RBM24: variants seen among roughly 807,000 people sequenced by gnomAD.
RBM24 encodes RNA-binding protein 24.
A neutral mutation model predicts 23.6 loss-of-function variants in RBM24; 5 were observed. That is an observed-to-expected ratio of 0.21 (90% CI 0.11 to 0.45). RBM24 has a LOEUF of 0.45. RBM24 is among the 20% of genes least tolerant of loss of function. The pLI, the probability that RBM24 is intolerant of heterozygous loss-of-function variation, is 0.99. For synonymous variants in RBM24, 151 were observed against 129.5 expected, an observed-to-expected ratio of 1.17 and a Z score of -1.13; for missense variants, 252 against 314.6, an observed-to-expected ratio of 0.80 and a Z score of 1.51.
chr6:17,291,989 GCT>G lies in RBM24; in HGVS notation c.582_583del (p.Tyr195ArgfsTer50). ...GGATATGTTACTGCTGGGGGCTATG[GCT>G]ACGCAGTCCAGCAGCCAATCACCGC... is the stretch of plus-strand genomic sequence containing the variant. On this transcript the variant is annotated frameshift_variant, in exon 4 of 4. Coordinates refer to ENST00000379052, the MANE Select transcript of RBM24 (RefSeq NM_001143942.2). LOFTEE classifies it high-confidence loss of function. 2 of 1,608,780 alleles carry G rather than the reference GCT, an allele frequency of 1.2e-6. No individual in the cohort carries two copies. The highest frequency in any genetic ancestry group is 1.7e-6 in the Non-Finnish European group (2 of 1,179,162).
rs907007482 is a variant in RBM24, at chr6:17,290,196, T to C, written c.348-1560T>C. 7.1e-6 allele frequency: 6 copies of C among 840,866 alleles called. No homozygotes were observed. The African/African-American group carries it at 8.9e-5, about 12-fold the overall frequency. 52.1% of individuals were successfully genotyped at this position (840,866 alleles called of 1,614,324 possible). A position where few individuals can be genotyped will look rare whatever the true frequency, so the allele number is the denominator to read the frequency against. ...CTCTGAAAAGGCAAAGCAAAATCTA[T>C]GTTTCTGAAAAATCTACAAGTGCTG... is the stretch of plus-strand genomic sequence containing the variant. On this transcript the variant is annotated intron_variant, in intron 3 of 3. Coordinates refer to ENST00000379052, the MANE Select transcript of RBM24 (RefSeq NM_001143942.2).
In RBM24 at chr6:17,286,092, A is replaced by G. The variant is rs535168595; in HGVS notation, c.347+1381A>G. 3.3e-5 allele frequency among the ~76,000 whole-genome samples: 5 copies of G among 152,312 alleles called. No homozygotes were observed. In the South Asian group the frequency reaches 1.0e-3, roughly 32 times the overall value. Reference sequence around the variant, plus strand: ...AATAGATTTTAAAAAGAAATTAATAATAACTTGACTTGGAAGAGTAAAGTT... The same window carrying G: ...AATAGATTTTAAAAAGAAATTAATAGTAACTTGACTTGGAAGAGTAAAGTT... On this transcript the variant is annotated intron_variant, in intron 3 of 3. Transcript: ENST00000379052.
Position 17,290,029 on chromosome 6 carries a change from A to T in RBM24, c.348-1727A>T, listed in dbSNP as rs184453189. ...TGAGTGTCCTCAGAAACACTTGATG[A>T]CGTCGTTTCTCCTGGCACTGGGAAA... is the stretch of plus-strand genomic sequence containing the variant. On this transcript the variant is annotated intron_variant, in intron 3 of 3. Coordinates refer to ENST00000379052, the MANE Select transcript of RBM24 (RefSeq NM_001143942.2). 5,503 of 1,289,390 alleles carry T rather than the reference A, an allele frequency of 4.3e-3. 20 individuals are homozygous for T. Among genetic ancestry groups the T allele is most frequent in the South Asian group, 5.3e-3 (432 of 81,034 alleles). 79.9% of individuals were successfully genotyped at this position (1,289,390 alleles called of 1,614,324 possible). A position where few individuals can be genotyped will look rare whatever the true frequency, so the allele number is the denominator to read the frequency against.
chr6:17,289,371 T>G, intron 3 of RBM24: 1 of 985,448 alleles, frequency 1.0e-6, no homozygotes, highest in Non-Finnish European at 1.2e-6. Flanking sequence ...GGTTTTCATT[T>G]GCCTTCCAGA....
chr6:17,284,941 CAA>C, intron 3 of RBM24: 1 of 389,204 alleles, frequency 2.6e-6, no homozygotes. Flanking sequence ...TTATGATTAG[CAA>C]AACAAAACAA....
intron 2 of RBM24, among the ~76,000 whole-genome samples, chr6:17,283,379 G>A (rs1029128251): frequency 6.6e-6 from 1 of 152,102 alleles, no homozygotes; most frequent in South Asian, 2.1e-4. Context: ...ACAGACCCAA[G>A]GGAAGCATTA....
intron 1 of RBM24, chr6:17,282,005 C>T (rs1181203989): frequency 1.5e-6 from 2 of 1,346,096 alleles, no homozygotes; most frequent in South Asian, 1.5e-5. Context: ...AAGGAGAGAC[C>T]TGTAATGACG....
In RBM24 at chr6:17,290,525, GTAT is replaced by G. The variant is rs1412096999; in HGVS notation, c.348-1227_348-1225del. Among the ~76,000 whole-genome samples, 4 of 152,060 alleles carry G rather than the reference GTAT, an allele frequency of 2.6e-5. No individual in the cohort carries two copies. In the East Asian group the frequency reaches 7.7e-4, roughly 29 times the overall value. On this transcript the variant is annotated intron_variant, in intron 3 of 3. Transcript: ENST00000379052. ...AAGTAACGTCATTGGAGTCTGTCTTGTATTATCTGTGAATGTATAATTTTAAAA... is the reference window on the plus strand; with the variant it reads ...AAGTAACGTCATTGGAGTCTGTCTTGTATCTGTGAATGTATAATTTTAAAA...
chr6:17,283,659 C>T lies in RBM24; in HGVS notation c.292+731C>T, dbSNP rs34355849. On this transcript the variant is annotated intron_variant, in intron 2 of 3. Coordinates refer to ENST00000379052, the MANE Select transcript of RBM24 (RefSeq NM_001143942.2). Reference sequence around the variant, plus strand: ...CTTGAACTCCTGACCTCAGGTGATCCACCCGCCTTGGCCTCCTAAAGTGCT... The same window carrying T: ...CTTGAACTCCTGACCTCAGGTGATCTACCCGCCTTGGCCTCCTAAAGTGCT... 5.7e-3 allele frequency among the ~76,000 whole-genome samples: 870 copies of T among 152,266 alleles called. 7 individuals are homozygous for T. The highest frequency in any genetic ancestry group is 0.01 in the Non-Finnish European group (696 of 68,026).
chr6:17,290,678 GCTAAT>G (rs1760331968), intron 3 of RBM24, among the ~76,000 whole-genome samples: 1 of 152,132 alleles, frequency 6.6e-6, no homozygotes, highest in South Asian at 2.1e-4. Flanking sequence ...ACGTATTTCT[GCTAAT>G]TTGGAGGATG....
At chr6:17,284,832 A>G in intron 3 of RBM24, 121 bp downstream of exon 3, 2 of 646,856 alleles carry the variant, frequency 3.1e-6, no homozygotes, top group Admixed American at 3.0e-5. Context: ...ACAATTTTAT[A>G]TATATTTGTG....
chr6:17,291,916 G>A lies in RBM24; in HGVS notation c.508G>A (p.Ala170Thr), dbSNP rs773579009. Residue 170 changes from alanine (A) to threonine (T), a missense_variant, in exon 4 of 4, where the codon GCT (alanine) becomes ACT (threonine). Ala to Thr is a moderately conservative substitution (Grantham distance 58). Coordinates refer to ENST00000379052, the MANE Select transcript of RBM24 (RefSeq NM_001143942.2). The stretch of plus-strand genomic sequence containing the variant: ...AGCAGCTGCTGCTGCTGCCGCCGCC[G>A]CTGCTGCCTATGACCAGTACCCCTA... ...YSAAAAAAAA[A>T]AAYDQYPYAA... The A allele has an allele frequency of 9.9e-6, 16 of 1,613,530 alleles. No homozygotes were observed. The highest frequency in any genetic ancestry group is 6.7e-5 in the African/African-American group (5 of 75,010).
intron 2 of RBM24, among the ~76,000 whole-genome samples, chr6:17,284,233 A>G (rs892659620): frequency 2.6e-5 from 4 of 152,204 alleles, no homozygotes; most frequent in African/African-American, 9.6e-5. Flanking sequence ...TAATACTGGA[A>G]AGTGTAAAAC....
chr6:17,291,770 A>C lies in RBM24; in HGVS notation c.362A>C (p.Tyr121Ser), dbSNP rs374301178. 1 of 1,610,066 alleles carries C rather than the reference A, an allele frequency of 6.2e-7. No individual in the cohort carries two copies. Among genetic ancestry groups the C allele is most frequent in the Non-Finnish European group, 8.5e-7 (1 of 1,177,130 alleles). Reference protein sequence around the residue: ...IQRPFGIPAHYVYPQAFVQPG... With the variant: ...IQRPFGIPAHSVYPQAFVQPG... ...TTTCTCAACAGGATACCTGCCCACT[A>C]TGTCTATCCGCAGGCTTTTGTGCAG... The change falls in exon 4 of 4, where the codon TAT (tyrosine) becomes TCT (serine). Residue 121 changes from tyrosine to serine, a missense_variant. Tyr to Ser is a moderately radical substitution (Grantham distance 144). Coordinates refer to ENST00000379052, the MANE Select transcript of RBM24 (RefSeq NM_001143942.2).
At chr6:17,288,174 G>A in intron 3 of RBM24, 1 of 868,628 alleles carries the variant, frequency 1.2e-6, no homozygotes, top group Non-Finnish European at 1.4e-6. Context: ...TCAGAATCAT[G>A]GTCTGCCTGA....
At chr6:17,284,470 C>T (rs565516327) in intron 2 of RBM24, among the ~76,000 whole-genome samples, 187 bp from the exon 3 acceptor site, 49 of 151,994 alleles carry the variant, frequency 3.2e-4, no homozygotes, top group Non-Finnish European at 5.6e-4. Context: ...TCTGTTAAAA[C>T]CTTTATTTTG....
At position 17,281,932 on chromosome 6, in the gene RBM24, G is replaced by A; in HGVS notation, c.168+183G>A. The A allele has an allele frequency of 7.5e-7, 1 of 1,335,186 alleles. No homozygotes were observed. The highest frequency in any genetic ancestry group is 1.0e-6 in the Non-Finnish European group (1 of 1,002,520). 82.7% of individuals were successfully genotyped at this position (1,335,186 alleles called of 1,614,324 possible). A position where few individuals can be genotyped will look rare whatever the true frequency, so the allele number is the denominator to read the frequency against. On this transcript the variant is annotated intron_variant, in intron 1 of 3. Transcript: ENST00000379052. This position sits in a 1 kb window ranked among gnomAD's most constrained non-coding sequence, Gnocchi z 7.1. ...GGGAGAGGGTCGGCGCCAGCCTCGCGGGGTTCGGAGAAGACCCAGCGCTGT... is the reference window on the plus strand; with the variant it reads ...GGGAGAGGGTCGGCGCCAGCCTCGCAGGGTTCGGAGAAGACCCAGCGCTGT...
Position 17,281,547 on chromosome 6 carries a change from G to A in RBM24, c.-35G>A, listed in dbSNP as rs1207202467. On this transcript the variant is annotated 5_prime_UTR_variant, in exon 1 of 4. Transcript: ENST00000379052. This position sits in a 1 kb window ranked among gnomAD's most constrained non-coding sequence, Gnocchi z 7.1. ...CGCAGCCGCTGCCCGAGCCGCAGCC[G>A]CAGCCGGAGCCCGAGCCGCGGGGCG... 6.8e-7 allele frequency: 1 copy of A among 1,468,174 alleles called. No individual in the cohort carries two copies. The highest frequency in any genetic ancestry group is 1.3e-5 in the South Asian group (1 of 74,244). The allele number at this position is 1,468,174 out of a possible 1,614,324, so 90.9% of individuals were successfully genotyped here.
intron 3 of RBM24, among the ~76,000 whole-genome samples, chr6:17,285,607 T>C (rs1476166681): frequency 6.6e-6 from 1 of 152,254 alleles, no homozygotes; most frequent in Admixed American, 6.5e-5. Flanking sequence ...GTATCCACTT[T>C]TAGGCCATCT....
Sources: gnomAD v4.1 joint callset for allele counts (sites outside exome capture counted in the v4.1 genomes callset) on GRCh38, gnomAD v4.1.1 for gene constraint, Gnocchi (gnomAD v3.1) non-coding constraint, MANE v1.5 for transcripts, NCBI Gene and HGNC (gene_info 2026-07-23, HGNC 2026-07-21) for gene names.